The following GPSM1 variants were observed in gnomAD, a reference collection of about 807,000 sequenced individuals.
GPSM1 encodes the protein G protein signaling modulator 1, also known as G protein-signaling modulator 1.
GPSM1 carries 48 observed loss-of-function variants against 70.5 expected under a neutral mutation model. That is an observed-to-expected ratio of 0.68 (90% CI 0.54 to 0.87). The LOEUF (loss-of-function observed/expected upper bound fraction) is 0.87. Ranked by LOEUF, GPSM1 falls within the 40% of genes least tolerant of loss-of-function variation. GPSM1 has a pLI of 0.00. For synonymous variants in GPSM1, 416 were observed against 430.1 expected, an observed-to-expected ratio of 0.97 and a Z score of 0.41; for missense variants, 981 against 972.6, an observed-to-expected ratio of 1.01 and a Z score of -0.11.
intron 9 of GPSM1, among the ~76,000 whole-genome samples, chr9:136,347,363 C>T (rs1832547534): frequency 6.6e-6 from 1 of 152,064 alleles, no homozygotes; most frequent in South Asian, 2.1e-4. Flanking sequence ...CAGCCCGTGT[C>T]CAGTGTGTCC....
Position 136,358,160 on chromosome 9 carries a change from G to A in GPSM1, c.1968G>A (p.Pro656=), listed in dbSNP as rs781934973. 5.5e-5 allele frequency: 88 copies of A among 1,595,138 alleles called. 1 individual carries two copies. The highest frequency in any genetic ancestry group is 1.0e-4 in the Admixed American group (6 of 57,700). The change falls in exon 14 of 14, where the codon CCG becomes CCA. Residue 656 remains proline (P), a synonymous_variant. Coordinates refer to ENST00000440944, the MANE Select transcript of GPSM1 (RefSeq NM_001145638.3). ...DEQRVDLAGG[P]EQGAGGPPEP... ...AGCGGGTGGACCTCGCCGGGGGCCC[G>A]GAGCAGGGGGCAGGCGGCCCGCCCG...
In GPSM1 at chr9:136,342,307, G is replaced by A. The variant is rs1008023672; in HGVS notation, c.1207+1314G>A. On this transcript the variant is annotated intron_variant, in intron 9 of 13. Coordinates refer to ENST00000440944, the MANE Select transcript of GPSM1 (RefSeq NM_001145638.3). The surrounding 1 kb of genome is among the most constrained non-coding windows in gnomAD (Gnocchi z 5.5). ...GCAGCAACTGGCAGCAGGGCTGGGAGCAGCTCTGGAAAGGCTCCGCGGAGG... is the reference window on the plus strand; with the variant it reads ...GCAGCAACTGGCAGCAGGGCTGGGAACAGCTCTGGAAAGGCTCCGCGGAGG... 6.6e-5 allele frequency among the ~76,000 whole-genome samples: 10 copies of A among 152,218 alleles called. No homozygotes were observed. Among genetic ancestry groups the A allele is most frequent in the Non-Finnish European group, 1.5e-4 (10 of 68,022 alleles).
intron 11 of GPSM1, chr9:136,353,004 T>A (rs1331883441): frequency 1.3e-6 from 1 of 764,312 alleles, no homozygotes; most frequent in Non-Finnish European, 1.6e-6. Context: ...CCCAGGGTCC[T>A]ATTTAAGCCT....
At chr9:136,338,411 G>A (rs1588694597) in intron 6 of GPSM1, 144 bp from the exon 7 acceptor site, 2 of 758,040 alleles carry the variant, frequency 2.6e-6, no homozygotes, top group African/African-American at 1.8e-5. Flanking sequence ...GGCCATGTGA[G>A]GGTGGGGATG....
At position 136,341,177 on chromosome 9, in the gene GPSM1, T is replaced by C. The variant is rs1832382568; in HGVS notation, c.1207+184T>C. The C allele has an allele frequency of 9.7e-6, 15 of 1,547,858 alleles. No homozygotes were observed. The highest frequency in any genetic ancestry group is 1.0e-5 in the Non-Finnish European group (12 of 1,145,698). On this transcript the variant is annotated intron_variant, in intron 9 of 13. Coordinates refer to ENST00000440944, the MANE Select transcript of GPSM1 (RefSeq NM_001145638.3). The surrounding 1 kb of genome is among the most constrained non-coding windows in gnomAD (Gnocchi z 6.7). ...CAGGCCTGAGGTTCACCCTGAGCCC[T>C]TCCCACCCGCATCCTGAGTGGCGCT... is the stretch of plus-strand genomic sequence containing the variant.
intron 13 of GPSM1, among the ~76,000 whole-genome samples, chr9:136,357,350 C>T (rs965267350): frequency 8.5e-5 from 13 of 152,204 alleles, no homozygotes; most frequent in African/African-American, 2.9e-4. Flanking sequence ...AACCTCGGCC[C>T]GGGGCCAGGC....
intron 11 of GPSM1, among the ~76,000 whole-genome samples, chr9:136,352,773 T>A (rs1554772363): frequency 6.6e-6 from 1 of 152,182 alleles, no homozygotes; most frequent in Non-Finnish European, 1.5e-5. Flanking sequence ...GGCCCAGGTG[T>A]CAGCGGGAAA....
chr9:136,348,848 C>G, intron 10 of GPSM1, 81 bp downstream of exon 10: 1 of 1,030,290 alleles, frequency 9.7e-7, no homozygotes, highest in Non-Finnish European at 1.5e-6. Context: ...AGAGCCACCG[C>G]CACCCACCTC....
chr9:136,342,558 C>T lies in GPSM1; in HGVS notation c.1207+1565C>T, dbSNP rs1832418058. The stretch of plus-strand genomic sequence containing the variant: ...CGGCAGCCTGGCTGGGGCCGCCGCC[C>T]GGCTGCCGCTGTGGGAGGCAGGCTG... On this transcript the variant is annotated intron_variant, in intron 9 of 13. Transcript: ENST00000440944. The surrounding 1 kb of genome is among the most constrained non-coding windows in gnomAD (Gnocchi z 5.5). Among the ~76,000 whole-genome samples, 1 of 152,108 alleles carries T rather than the reference C, an allele frequency of 6.6e-6. No homozygotes were observed. Among genetic ancestry groups the T allele is most frequent in the Non-Finnish European group, 1.5e-5 (1 of 67,990 alleles).
At position 136,358,181 on chromosome 9, in the gene GPSM1, G is replaced by C. The variant is rs782478140; in HGVS notation, c.1989G>C (p.Pro663=). 2 of 1,570,676 alleles carry C rather than the reference G, an allele frequency of 1.3e-6. No individual in the cohort carries two copies. The highest frequency in any genetic ancestry group is 4.7e-5 in the East Asian group (2 of 42,638). The change falls in exon 14 of 14, where the codon CCG becomes CCC. Residue 663 remains proline (P), a synonymous_variant. Coordinates refer to ENST00000440944, the MANE Select transcript of GPSM1 (RefSeq NM_001145638.3). ...AGGPEQGAGG[P]PEPQQQCQPG... is the part of the protein sequence containing the mutation. Reference sequence around the variant, plus strand: ...GCCCGGAGCAGGGGGCAGGCGGCCCGCCCGAGCCCCAGCAGCAGTGCCAGC... The same window carrying C: ...GCCCGGAGCAGGGGGCAGGCGGCCCCCCCGAGCCCCAGCAGCAGTGCCAGC...
chr9:136,346,043 C>T (rs1349190793), intron 9 of GPSM1, among the ~76,000 whole-genome samples: 4 of 152,352 alleles, frequency 2.6e-5, no homozygotes, highest in East Asian at 3.9e-4. Context: ...AGCCCTGCCC[C>T]GGGCGTTTGT....
chr9:136,338,820 C>A (rs1166397468), intron 7 of GPSM1, 110 bp downstream of exon 7: 3 of 1,147,558 alleles, frequency 2.6e-6, no homozygotes, highest in Non-Finnish European at 3.6e-6. Context: ...ACTGACCATG[C>A]TGTGACCCAG....
intron 2 of GPSM1, 83 bp downstream of exon 2, chr9:136,334,751 G>A: frequency 8.7e-7 from 1 of 1,154,992 alleles, no homozygotes. Context: ...TGGTGGGTGA[G>A]TGGGGCGGCC....
rs951798202 is a variant in GPSM1, at chr9:136,349,626, G to T, written c.1318G>T (p.Gly440Trp). 10 of 1,549,984 alleles carry T rather than the reference G, an allele frequency of 6.5e-6. No homozygotes were observed. The highest frequency in any genetic ancestry group is 8.7e-6 in the Non-Finnish European group (10 of 1,146,682). The change falls in exon 11 of 14, where the codon GGG becomes TGG. Residue 440 changes from glycine to tryptophan, a missense_variant. Transcript: ENST00000440944. Reference protein sequence around the residue: ...GDSHHSGDWRGPSRDSLPLPV... With the variant: ...GDSHHSGDWRWPSRDSLPLPV... ...CAGCCACCATTCAGGGGACTGGCGG[G>T]GGCCCAGCAGGGACTCGCTACCCCT...
intron 11 of GPSM1, chr9:136,354,844 G>A: frequency 1.0e-6 from 1 of 1,000,604 alleles, no homozygotes; most frequent in Non-Finnish European, 1.2e-6. Context: ...TCATGGCAGG[G>A]CTGACACAGG....
At chr9:136,357,934 T>C in intron 13 of GPSM1, 80 bp from the exon 14 acceptor site, 1 of 1,157,858 alleles carries the variant, frequency 8.6e-7, no homozygotes, top group Non-Finnish European at 1.3e-6. Flanking sequence ...CACGCTGGCC[T>C]CTGGAACCAC....
At chr9:136,355,643 G>A (rs782222847) in intron 11 of GPSM1, 47 bp from the exon 12 acceptor site, 6 of 1,586,990 alleles carry the variant, frequency 3.8e-6, no homozygotes, top group Admixed American at 1.7e-5. Flanking sequence ...CTCGTCTGGG[G>A]GTCTGCGGGG....
At chr9:136,335,199 C>G (rs529233837) in intron 2 of GPSM1, among the ~76,000 whole-genome samples, 1 of 151,620 alleles carries the variant, frequency 6.6e-6, no homozygotes, top group Non-Finnish European at 1.5e-5. Flanking sequence ...CCCTGAGCCC[C>G]GGGCCCACTC....
chr9:136,353,099 G>T, intron 11 of GPSM1: 1 of 985,574 alleles, frequency 1.0e-6, no homozygotes, highest in East Asian at 1.1e-4. Flanking sequence ...CCTGCGCTCT[G>T]TGTGGCCAAG....
Sources: allele counts gnomAD v4.1 joint callset (sites outside exome capture counted in the v4.1 genomes callset), GRCh38; gene constraint gnomAD v4.1.1; non-coding constraint Gnocchi (gnomAD v3.1); transcripts MANE v1.5; gene names NCBI Gene and HGNC (gene_info 2026-07-23, HGNC 2026-07-21).